KCNIP4: variants seen among roughly 807,000 people sequenced by gnomAD.
KCNIP4 encodes potassium voltage-gated channel interacting protein 4.
Under a neutral mutation model 34.0 loss-of-function variants are expected in KCNIP4, and 12 were observed. The ratio of observed to expected loss-of-function variants is 0.35; its 90% CI spans 0.23 to 0.57. The LOEUF is 0.57. Among genes scored for constraint, KCNIP4 ranks in the 20% least tolerant of loss-of-function variants. The probability of loss-of-function intolerance (pLI) is 0.83; values close to 1 mark genes in which losing one functional copy is unlikely to be tolerated. For missense variants in KCNIP4, 238 were observed against 311.7 expected (o/e 0.76, Z 1.78); for synonymous variants, 124 against 102.2 (o/e 1.21, Z -1.29).
chr4:20,748,238 G>T (rs1467873192), intron 5 of KCNIP4, among the ~76,000 whole-genome samples: 1 of 152,020 alleles, frequency 6.6e-6, no homozygotes, highest in Non-Finnish European at 1.5e-5. Flanking sequence ...CTCTCCAATT[G>T]TGTATTCTAT....
At chr4:21,504,508 G>GAAAGAAAGAAAGAAAGAAAGA (rs1392434479) in intron 1 of KCNIP4, among the ~76,000 whole-genome samples, 56 of 121,688 alleles carry the variant, frequency 4.6e-4, no homozygotes, top group African/African-American at 1.7e-3. Context: ...AGAAAGAAAG[G>GAAAGAAAGAAAGAAAGAAAGA]AAGGAAGGAA....
At chr4:21,524,603 G>A (rs1460494) in intron 1 of KCNIP4, among the ~76,000 whole-genome samples, 38,807 of 151,616 alleles carry the variant, frequency 0.26, 5,141 homozygotes, top group Admixed American at 0.3. Context: ...ACACTTATTC[G>A]TTCTTTAGGT....
At chr4:20,955,816 G>T (rs978820711) in intron 1 of KCNIP4, among the ~76,000 whole-genome samples, 84 of 152,312 alleles carry the variant, frequency 5.5e-4, no homozygotes, top group African/African-American at 1.9e-3. Context: ...ACATCTATGG[G>T]ATGGCATTCA....
chr4:21,373,779 C>T (rs1248096752), intron 1 of KCNIP4, among the ~76,000 whole-genome samples: 1 of 146,994 alleles, frequency 6.8e-6, no homozygotes, highest in Non-Finnish European at 1.5e-5. Flanking sequence ...GATTTCTGTT[C>T]ACTGCAACCT....
chr4:20,758,840 C>T lies in KCNIP4; in HGVS notation c.339G>A (p.Ser113=), dbSNP rs771579238. ...ACTTACCTCCCTGTGGAAAGAACTGCGAGTAAATCTCTTTGAAGGTTTCTT... is the reference window on the plus strand; with the variant it reads ...ACTTACCTCCCTGTGGAAAGAACTGTGAGTAAATCTCTTTGAAGGTTTCTT... ...VNEETFKEIY[S]QFFPQGDSTT... is the part of the protein sequence containing the mutation. Residue 113 remains serine, a synonymous_variant, in exon 4 of 9, where the codon TCG becomes TCA. Transcript: ENST00000382152. 46 of 1,612,830 alleles carry T rather than the reference C, an allele frequency of 2.9e-5. No homozygotes were observed. The highest frequency in any genetic ancestry group is 2.0e-4 in the South Asian group (18 of 91,000).
At chr4:20,758,699 G>A (rs1754688703) in intron 4 of KCNIP4, 122 bp downstream of exon 4, 2 of 744,282 alleles carry the variant, frequency 2.7e-6, no homozygotes, top group South Asian at 3.6e-5. Flanking sequence ...CTTGCATGCT[G>A]TGCATTAATT....
intron 1 of KCNIP4, among the ~76,000 whole-genome samples, chr4:21,223,356 C>T (rs1348799190): frequency 7.2e-5 from 11 of 152,194 alleles, no homozygotes; most frequent in Non-Finnish European, 1.6e-4. Flanking sequence ...CATAAGAAAC[C>T]AGCCCTGCTA....
intron 1 of KCNIP4, among the ~76,000 whole-genome samples, chr4:21,190,532 G>C (rs1004904924): frequency 1.3e-5 from 2 of 151,564 alleles, no homozygotes; most frequent in African/African-American, 4.8e-5. Context: ...GGGTGGGAGG[G>C]CAACTCCTAT....
intron 1 of KCNIP4, among the ~76,000 whole-genome samples, chr4:21,410,978 C>T (rs1200479829): frequency 2.0e-5 from 3 of 152,044 alleles, no homozygotes; most frequent in Admixed American, 2.0e-4. Flanking sequence ...TTTAGTCTTT[C>T]AAGGTAGAGG....
intron 5 of KCNIP4, among the ~76,000 whole-genome samples, chr4:20,744,770 T>C (rs1350598401): frequency 1.3e-5 from 2 of 151,920 alleles, no homozygotes; most frequent in African/African-American, 2.4e-5. Context: ...AGAATAATAA[T>C]AATAAAAATA....
intron 3 of KCNIP4, among the ~76,000 whole-genome samples, chr4:20,827,186 G>A (rs976376): frequency 0.73 from 110,674 of 152,116 alleles, 40,359 homozygotes; most frequent in South Asian, 0.82. Flanking sequence ...ACTACTCTGA[G>A]ATCACCAGGC....
At position 21,247,592 on chromosome 4, in the gene KCNIP4, T is replaced by TATATATATATATATAC. The variant is rs551818480; in HGVS notation, c.62-364884_62-364883insGTATATATATATATAT. 2.5e-4 allele frequency among the ~76,000 whole-genome samples: 36 copies of TATATATATATATATAC among 144,294 alleles called. No homozygotes were observed. The South Asian group carries it at 6.7e-3, about 27-fold the overall frequency. 94.7% of individuals were successfully genotyped at this position (144,294 alleles called of 152,430 possible). On this transcript the variant is annotated intron_variant, in intron 1 of 8. Transcript: ENST00000382152. ...AGATATAAATACATATATATATATA[T>TATATATATATATATAC]ACACCACAGATGGTATATATATTTA...
At position 21,691,978 on chromosome 4, in the gene KCNIP4, G is replaced by A. The variant is rs188783761; in HGVS notation, c.61+256593C>T. Among the ~76,000 whole-genome samples the A allele has an allele frequency of 1.8e-3, 278 of 152,118 alleles. 7 individuals are homozygous for A. In the South Asian group the frequency reaches 0.036, roughly 20 times the overall value. On this transcript the variant is annotated intron_variant, in intron 1 of 8. Coordinates refer to ENST00000382152, the MANE Select transcript of KCNIP4 (RefSeq NM_025221.6). ...CTCCCAAAGTGCCGGGATTACAGGC[G>A]TGATCCACCGCACCAGGCCAAATGC...
At chr4:20,845,818 C>A (rs903150328) in intron 3 of KCNIP4, among the ~76,000 whole-genome samples, 13 of 152,134 alleles carry the variant, frequency 8.5e-5, no homozygotes, top group African/African-American at 2.9e-4. Flanking sequence ...TTCATATGTG[C>A]AACCACAAAG....
At position 21,216,342 on chromosome 4, in the gene KCNIP4, T is replaced by C. The variant is rs75655642; in HGVS notation, c.62-333633A>G. ...TGTGTACATGGCCATTTGCTTTCAC[T>C]ATATGTAATTTTTAAAACGTAGTTT... On this transcript the variant is annotated intron_variant, in intron 1 of 8. Transcript: ENST00000382152. Among the ~76,000 whole-genome samples the C allele has an allele frequency of 3.1e-3, 470 of 152,374 alleles. 5 individuals are homozygous for C. The highest frequency in any genetic ancestry group is 0.01 in the Middle Eastern group (3 of 294).
intron 2 of KCNIP4, among the ~76,000 whole-genome samples, chr4:20,862,985 G>A (rs1722374273): frequency 6.6e-6 from 1 of 152,126 alleles, no homozygotes. Flanking sequence ...GAGGGTGGGA[G>A]GAGGAAGAGG....
intron 1 of KCNIP4, among the ~76,000 whole-genome samples, chr4:21,628,700 T>G (rs945651311): frequency 2.8e-4 from 42 of 152,316 alleles, no homozygotes; most frequent in African/African-American, 9.9e-4. Context: ...TTGTCTGTAC[T>G]TTTAACGGCA....
chr4:21,490,215 G>C (rs1031433495), intron 1 of KCNIP4, among the ~76,000 whole-genome samples: 3 of 152,074 alleles, frequency 2.0e-5, no homozygotes, highest in Non-Finnish European at 2.9e-5. Context: ...AAGTCGTTTA[G>C]TTCCTTGGGC....
At chr4:20,783,768 G>T (rs1187728243) in intron 3 of KCNIP4, among the ~76,000 whole-genome samples, 1 of 152,006 alleles carries the variant, frequency 6.6e-6, no homozygotes, top group Non-Finnish European at 1.5e-5. Context: ...AGGATAAACA[G>T]GGAATATAAA....
Sources: allele counts gnomAD v4.1 joint callset (sites outside exome capture counted in the v4.1 genomes callset), GRCh38; gene constraint gnomAD v4.1.1; transcripts MANE v1.5; gene names NCBI Gene and HGNC (gene_info 2026-07-23, HGNC 2026-07-21).